OTUD7B: variants seen among roughly 807,000 people sequenced by gnomAD.
The protein encoded by OTUD7B is OTU domain-containing protein 7B.
Under a neutral mutation model 82.2 loss-of-function variants are expected in OTUD7B, and 34 were observed. The ratio of observed to expected loss-of-function variants is 0.41; its 90% confidence interval spans 0.31 to 0.55. The LOEUF is 0.55. OTUD7B is among the 20% of genes least tolerant of loss of function. OTUD7B has a pLI of 0.20. For missense variants in OTUD7B, 944 were observed against 1,062.1 expected, an observed-to-expected ratio of 0.89 and a Z score of 1.55; for synonymous variants, 398 against 402.7, an observed-to-expected ratio of 0.99 and a Z score of 0.14.
chr1:150,000,304 T>C (rs1044683720), intron 1 of OTUD7B, among the ~76,000 whole-genome samples: 5 of 151,690 alleles, frequency 3.3e-5, no homozygotes, highest in African/African-American at 1.2e-4. Flanking sequence ...GGAAACCCTG[T>C]CTCTACTAAA....
At chr1:149,991,237 C>T (rs782140176) in intron 1 of OTUD7B, among the ~76,000 whole-genome samples, 28 of 152,314 alleles carry the variant, frequency 1.8e-4, no homozygotes, top group Non-Finnish European at 3.7e-4. Flanking sequence ...ACCAACCCCA[C>T]AAACACACAC....
chr1:149,945,145 C>G (rs1429134913), intron 11 of OTUD7B, 80 bp from the exon 12 acceptor site: 13 of 1,515,792 alleles, frequency 8.6e-6, no homozygotes, highest in Non-Finnish European at 8.8e-7. Flanking sequence ...CTAGCCCATC[C>G]ATCTGGCTCA....
intron 1 of OTUD7B, among the ~76,000 whole-genome samples, chr1:149,999,179 C>A (rs1379022268): frequency 2.0e-5 from 3 of 152,146 alleles, no homozygotes; most frequent in African/African-American, 7.2e-5. Context: ...TGATTTAAAT[C>A]TCAATTTTCA....
At chr1:150,054,488 A>G in the OTUD7B span, 2 of 499,282 alleles carry the variant, frequency 4.0e-6, no homozygotes, top group Non-Finnish European at 7.8e-6. Flanking sequence ...AAAAATCCCA[A>G]AACATCTTAC....
chr1:150,018,596 C>T, the OTUD7B span, among the ~76,000 whole-genome samples: 4 of 152,204 alleles, frequency 2.6e-5, no homozygotes, highest in East Asian at 3.8e-4. Flanking sequence ...ACTGATGTAT[C>T]TAAGCACCCA....
chr1:150,041,098 A>G, the OTUD7B span, among the ~76,000 whole-genome samples: 1 of 152,064 alleles, frequency 6.6e-6, no homozygotes, highest in Admixed American at 6.6e-5. Flanking sequence ...TTAAGTGTAC[A>G]GTTCAGTCAT....
the OTUD7B span, among the ~76,000 whole-genome samples, chr1:150,057,796 A>AT: frequency 6.6e-6 from 1 of 152,242 alleles, no homozygotes; most frequent in Non-Finnish European, 1.5e-5. Context: ...AGTACTTTTC[A>AT]TTATCATAAT....
chr1:149,977,490 A>C lies in OTUD7B; in HGVS notation c.21T>G (p.Ala7=). 1 of 1,614,094 alleles carries C rather than the reference A, an allele frequency of 6.2e-7. No homozygotes were observed. The highest frequency in any genetic ancestry group is 8.5e-7 in the Non-Finnish European group (1 of 1,179,946). ...TGGAACGGACAAAATCTGACAGAAC[A>C]GCATCCATGTCCAGGGTCATGTGAT... MTLDMD[A]VLSDFVRSTG... is the part of the protein sequence containing the mutation. The change falls in exon 2 of 12, where the codon GCT becomes GCG. Residue 7 remains alanine, a synonymous_variant. Coordinates refer to ENST00000581312, the MANE Select transcript of OTUD7B (RefSeq NM_020205.4).
intron 1 of OTUD7B, among the ~76,000 whole-genome samples, chr1:149,998,941 A>AT (rs1457706779): frequency 1.3e-5 from 2 of 151,916 alleles, no homozygotes; most frequent in Non-Finnish European, 2.9e-5. Flanking sequence ...TGTTTCTCAC[A>AT]TTTTTTTTCT....
chr1:149,975,687 C>A (rs1345367709), intron 2 of OTUD7B, among the ~76,000 whole-genome samples: 3 of 152,076 alleles, frequency 2.0e-5, no homozygotes, highest in African/African-American at 7.2e-5. Flanking sequence ...ACAAGTCAGG[C>A]CTGGCTGCAT....
At chr1:149,945,584 TGCATTGGAG>T in intron 11 of OTUD7B, among the ~76,000 whole-genome samples, 1 of 152,270 alleles carries the variant, frequency 6.6e-6, no homozygotes, top group South Asian at 2.1e-4. Context: ...TTATACATTC[TGCATTGGAG>T]TTATCAATTT....
intron 5 of OTUD7B, 135 bp downstream of exon 5, chr1:149,965,642 G>A (rs1553776406): frequency 3.5e-5 from 23 of 653,232 alleles, no homozygotes; most frequent in Non-Finnish European, 5.3e-5. Context: ...AGACACACAC[G>A]TAAGCATGCA....
At chr1:149,997,817 T>G (rs1048654242) in intron 1 of OTUD7B, among the ~76,000 whole-genome samples, 4 of 152,198 alleles carry the variant, frequency 2.6e-5, no homozygotes, top group Non-Finnish European at 4.4e-5. Context: ...CCAGGCATTG[T>G]TCTGTTTTTA....
intron 1 of OTUD7B, among the ~76,000 whole-genome samples, chr1:150,002,976 C>T (rs1297087448): frequency 6.6e-6 from 1 of 152,148 alleles, no homozygotes; most frequent in East Asian, 1.9e-4. Context: ...CCAGGCCGGG[C>T]GTGGTGGCTC....
At chr1:150,028,311 A>G in the OTUD7B span, among the ~76,000 whole-genome samples, 1 of 152,192 alleles carries the variant, frequency 6.6e-6, no homozygotes, top group Admixed American at 6.5e-5. Flanking sequence ...GGCCTAATAA[A>G]AGGTTCGGGA....
the OTUD7B span, among the ~76,000 whole-genome samples, chr1:150,051,229 C>CAAAAAA: frequency 1.0e-5 from 1 of 96,958 alleles, no homozygotes; most frequent in Non-Finnish European, 1.9e-5. Flanking sequence ...GACTTCGCCT[C>CAAAAAA]AAAAAAAAAA....
At chr1:149,952,353 T>C (rs1450600377) in intron 7 of OTUD7B, among the ~76,000 whole-genome samples, 14 of 152,264 alleles carry the variant, frequency 9.2e-5, no homozygotes, top group Admixed American at 2.6e-4. Context: ...TCCAGCTTCA[T>C]CCATGTCCCT....
At chr1:149,945,288 G>A (rs1174931926) in intron 11 of OTUD7B, among the ~76,000 whole-genome samples, 1 of 152,104 alleles carries the variant, frequency 6.6e-6, no homozygotes, top group Non-Finnish European at 1.5e-5. Context: ...GATGAGGGAA[G>A]GGTCACCCAG....
chr1:149,966,360 C>G (rs991329169), intron 4 of OTUD7B, among the ~76,000 whole-genome samples: 1 of 152,120 alleles, frequency 6.6e-6, no homozygotes, highest in African/African-American at 2.4e-5. Flanking sequence ...CTCAGGAGAC[C>G]AGTATGTATC....
Sources: allele counts gnomAD v4.1 joint callset (sites outside exome capture counted in the v4.1 genomes callset), GRCh38; gene constraint gnomAD v4.1.1; transcripts MANE v1.5; gene names NCBI Gene and HGNC (gene_info 2026-07-23, HGNC 2026-07-21).